Variants in UBXN8 observed in about 807,000 individuals in gnomAD.
UBXN8 encodes the protein UBX domain protein 8, also known as UBX domain-containing protein 8.
Under a neutral mutation model 32.1 loss-of-function variants are expected in UBXN8, and 27 were observed. The ratio of observed to expected loss-of-function variants is 0.84; its 90% CI spans 0.62 to 1.16. UBXN8 has a LOEUF of 1.16. Among genes scored for constraint, UBXN8 ranks in the 50% most tolerant of loss-of-function variants. The pLI, the probability that UBXN8 is intolerant of heterozygous loss-of-function variation, is 0.00. For synonymous variants in UBXN8, 109 were observed against 111.8 expected (o/e 0.98, Z 0.16); for missense variants, 306 against 311.4 (o/e 0.98, Z 0.13).
intron 7 of UBXN8, among the ~76,000 whole-genome samples, chr8:30,765,870 T>C (rs1201651179): frequency 1.3e-5 from 2 of 151,698 alleles, no homozygotes; most frequent in African/African-American, 4.8e-5. Context: ...TAGCTGGGCA[T>C]GGTAGTGGGC....
rs368172344 is a variant in UBXN8, at chr8:30,766,411, C to T, written c.*17C>T. 1.3e-5 allele frequency: 21 copies of T among 1,567,656 alleles called. No homozygotes were observed. The African/African-American group carries it at 2.3e-4, about 17-fold the overall frequency. ...ACCAACTAGGAAAGAAGGGAGAGCTCCCTGTTTGCATGAAGTCAGTTATGC... is the reference window on the plus strand; with the variant it reads ...ACCAACTAGGAAAGAAGGGAGAGCTTCCTGTTTGCATGAAGTCAGTTATGC... On this transcript the variant is annotated 3_prime_UTR_variant, in exon 8 of 8. Coordinates refer to ENST00000265616, the MANE Select transcript of UBXN8 (RefSeq NM_005671.4).
chr8:30,754,893 A>C, intron 4 of UBXN8, 106 bp downstream of exon 4: 1 of 1,320,312 alleles, frequency 7.6e-7, no homozygotes. Flanking sequence ...AGGAGTTTTT[A>C]TTGATAATGA....
At chr8:30,738,679 G>A (rs901471047) in intron 1 of UBXN8, among the ~76,000 whole-genome samples, 3 of 145,752 alleles carry the variant, frequency 2.1e-5, no homozygotes, top group African/African-American at 7.7e-5. Context: ...AAAAAAGCTA[G>A]GCACGGTGGC....
At chr8:30,763,976 G>A (rs1236730312) in intron 7 of UBXN8, among the ~76,000 whole-genome samples, 1 of 152,126 alleles carries the variant, frequency 6.6e-6, no homozygotes, top group Admixed American at 6.6e-5. Context: ...GGGTGACAGA[G>A]CAAGATCCTG....
chr8:30,760,338 G>A (rs576665444), intron 5 of UBXN8, among the ~76,000 whole-genome samples: 70 of 149,322 alleles, frequency 4.7e-4, no homozygotes, highest in African/African-American at 1.6e-3. Context: ...CGGGATTACA[G>A]GCATGAGCCA....
upstream of UBXN8, among the ~76,000 whole-genome samples, chr8:30,740,642 T>C (rs1038621374): frequency 6.6e-6 from 1 of 151,630 alleles, no homozygotes; most frequent in African/African-American, 2.4e-5. Flanking sequence ...AGATGATCGC[T>C]TGAGCCCAGG....
At chr8:30,752,170 A>G (rs2911687) in intron 2 of UBXN8, among the ~76,000 whole-genome samples, 149,211 of 152,366 alleles carry the variant, frequency 0.98, 73,135 homozygotes, top group Middle Eastern at 1. Flanking sequence ...GATCACAGGC[A>G]TGAGACACCA....
chr8:30,756,864 G>C lies in UBXN8; in HGVS notation c.505G>C (p.Ala169Pro). The change falls in exon 5 of 8, where the codon GCT (alanine) becomes CCT (proline). Residue 169 changes from alanine (A) to proline (P), a missense_variant. Transcript: ENST00000265616. ...PKPLTEFPSP[A>P]EQPTCKEIPD... ...ACCTTTAACTGAATTTCCGTCTCCT[G>C]CTGAACAGCCCACATGCAAGGAGGT... 1 of 1,613,958 alleles carries C rather than the reference G, an allele frequency of 6.2e-7. No individual in the cohort carries two copies. Among genetic ancestry groups the C allele is most frequent in the Non-Finnish European group, 8.5e-7 (1 of 1,179,884 alleles).
intron 1 of UBXN8, among the ~76,000 whole-genome samples, chr8:30,747,887 A>AT (rs1449255462): frequency 7.1e-4 from 29 of 40,706 alleles, no homozygotes; most frequent in Admixed American, 4.8e-3. Flanking sequence ...TTTAATATAT[A>AT]TTTTTTCTTT....
At chr8:30,756,976 A>C in intron 5 of UBXN8, 89 bp downstream of exon 5, 1 of 1,531,514 alleles carries the variant, frequency 6.5e-7, no homozygotes, top group Non-Finnish European at 8.8e-7. Flanking sequence ...GGTGAAGATC[A>C]GGACTGGCCT....
At chr8:30,745,390 A>G (rs1180625999) in intron 1 of UBXN8, among the ~76,000 whole-genome samples, 2 of 152,166 alleles carry the variant, frequency 1.3e-5, no homozygotes, top group African/African-American at 2.4e-5. Context: ...GGAGATGCTG[A>G]GAATCATGAG....
At chr8:30,758,894 GT>G (rs1176699545) in intron 5 of UBXN8, among the ~76,000 whole-genome samples, 6 of 121,992 alleles carry the variant, frequency 4.9e-5, no homozygotes, top group African/African-American at 1.9e-4. Context: ...TGTTTTTTTT[GT>G]TTTTTTTTTT....
chr8:30,748,313 T>A (rs2978289), intron 1 of UBXN8, among the ~76,000 whole-genome samples: 105,380 of 150,610 alleles, frequency 0.7, 38,414 homozygotes, highest in East Asian at 0.84. Context: ...TTGGAAAAAA[T>A]ATATATATAT....
intron 3 of UBXN8, 179 bp from the exon 4 acceptor site, chr8:30,754,486 C>T (rs1338783262): frequency 2.2e-5 from 16 of 731,278 alleles, no homozygotes; most frequent in Middle Eastern, 3.2e-4. Flanking sequence ...ATGCCTGTCC[C>T]GCTTGCTGTC....
At chr8:30,744,056 G>C, upstream of UBXN8, 4 of 754,716 alleles carry the variant, frequency 5.3e-6, no homozygotes, top group Middle Eastern at 7.2e-4. Context: ...CCTCAATAAC[G>C]ACACGGCCGT....
intron 7 of UBXN8, among the ~76,000 whole-genome samples, chr8:30,765,751 T>G (rs1805984983): frequency 6.6e-6 from 1 of 152,008 alleles, no homozygotes. Flanking sequence ...CTCACGGCCA[T>G]AATCCCAGCA....
intron 2 of UBXN8, among the ~76,000 whole-genome samples, chr8:30,751,920 A>T (rs1586097653): frequency 7.2e-6 from 1 of 138,594 alleles, no homozygotes; most frequent in African/African-American, 2.8e-5. Flanking sequence ...TTTGAGATGG[A>T]GTCTCACTCT....
chr8:30,751,489 C>G lies in UBXN8; in HGVS notation c.182C>G (p.Ser61Ter). 1 of 1,608,654 alleles carries G rather than the reference C, an allele frequency of 6.2e-7. No individual in the cohort carries two copies. ...TCTGTGACTACCTCATGGCTTAACT[C>G]ATTTAAATCTCCCCAAGTTTATCTG... ...TISVTTSWLN[S>*]FKSPQVYLKE... Residue 61 changes from serine to a stop codon, truncating the protein, a stop_gained, in exon 2 of 8, where the codon TCA becomes TGA. Transcript: ENST00000265616. LOFTEE classifies it high-confidence loss of function.
At chr8:30,743,173 T>C (rs1192220363), upstream of UBXN8, among the ~76,000 whole-genome samples, 205 of 65,504 alleles carry the variant, frequency 3.1e-3, no homozygotes, top group Middle Eastern at 0.014. Context: ...TTTTTTTTTT[T>C]TGAGACGGGG....
Sources: gnomAD v4.1 joint callset for allele counts (sites outside exome capture counted in the v4.1 genomes callset) on GRCh38, gnomAD v4.1.1 for gene constraint, MANE v1.5 for transcripts, NCBI Gene and HGNC (gene_info 2026-07-23, HGNC 2026-07-21) for gene names.